The following CYP39A1 variants were observed in gnomAD, a reference collection of about 807,000 sequenced individuals.
The protein encoded by CYP39A1 is 24-hydroxycholesterol 7-alpha-hydroxylase.
In CYP39A1, 49 loss-of-function variants were observed where a neutral mutation model predicts 58.1. That is an observed-to-expected ratio of 0.84 (90% CI 0.67 to 1.07). The LOEUF is 1.07. CYP39A1 is among the 50% of genes least tolerant of loss of function. The pLI is 0.00. For synonymous variants in CYP39A1, 209 were observed against 187.6 expected (o/e 1.11, Z -0.93); for missense variants, 531 against 539.4 (o/e 0.98, Z 0.16).
In CYP39A1 at chr6:46,551,487, C is replaced by CCT. The variant is rs1770393956; in HGVS notation, c.1339-1052_1339-1051dup. ...TCCTTAATGCTCAAAATGGAACAGC[C>CCT]CTCACTGCTAGCATCAGGACACTGC... On this transcript the variant is annotated intron_variant, in intron 11 of 11. Transcript: ENST00000275016. 4.6e-5 allele frequency among the ~76,000 whole-genome samples: 7 copies of CCT among 152,244 alleles called. No homozygotes were observed. The South Asian group carries it at 1.5e-3, about 32-fold the overall frequency.
chr6:46,645,152 A>T (rs1336039205), intron 1 of CYP39A1, among the ~76,000 whole-genome samples: 1 of 152,098 alleles, frequency 6.6e-6, no homozygotes, highest in Non-Finnish European at 1.5e-5. Context: ...ATGAGGTTCA[A>T]TTTATCAGTT....
At chr6:46,603,764 T>C (rs973334155) in intron 7 of CYP39A1, among the ~76,000 whole-genome samples, 1 of 152,210 alleles carries the variant, frequency 6.6e-6, no homozygotes, top group Non-Finnish European at 1.5e-5. Context: ...AGAGACCTTA[T>C]GTTCCATAAA....
intron 10 of CYP39A1, among the ~76,000 whole-genome samples, chr6:46,561,732 C>T (rs1358337115): frequency 1.3e-5 from 2 of 152,004 alleles, no homozygotes; most frequent in African/African-American, 4.8e-5. Context: ...AGGAGGTATT[C>T]AATAAATACT....
intron 10 of CYP39A1, among the ~76,000 whole-genome samples, chr6:46,560,992 T>G (rs1200435818): frequency 6.6e-6 from 1 of 152,158 alleles, no homozygotes; most frequent in Non-Finnish European, 1.5e-5. Context: ...ATATGTGAAA[T>G]TAGACATCAA....
chr6:46,583,259 G>A, intron 10 of CYP39A1: 1 of 985,322 alleles, frequency 1.0e-6, no homozygotes, highest in Non-Finnish European at 1.2e-6. Flanking sequence ...TTTTACACTG[G>A]AGTTTAAGCC....
At chr6:46,573,349 TG>T (rs145162865) in intron 10 of CYP39A1, among the ~76,000 whole-genome samples, 117 of 152,314 alleles carry the variant, frequency 7.7e-4, no homozygotes, top group African/African-American at 2.7e-3. Flanking sequence ...GAACAGGATG[TG>T]GTGGCATAGT....
At chr6:46,585,107 AT>A (rs1772389753) in intron 10 of CYP39A1, among the ~76,000 whole-genome samples, 1 of 152,130 alleles carries the variant, frequency 6.6e-6, no homozygotes, top group South Asian at 2.1e-4. Context: ...TCCCTTTATT[AT>A]ACCAATTACT....
intron 3 of CYP39A1, among the ~76,000 whole-genome samples, chr6:46,638,435 C>A (rs1412180336): frequency 6.6e-6 from 1 of 152,076 alleles, no homozygotes; most frequent in East Asian, 1.9e-4. Flanking sequence ...AACTATTGCC[C>A]ATTGAAATAT....
intron 8 of CYP39A1, among the ~76,000 whole-genome samples, chr6:46,592,044 CAT>C (rs1772868231): frequency 6.6e-6 from 1 of 152,030 alleles, no homozygotes; most frequent in Admixed American, 6.6e-5. Context: ...TTCTACTAAA[CAT>C]ATAAAACCTT....
rs1770287158 is a variant in CYP39A1 at position 46,549,618 on chromosome 6, T to C, written c.*748A>G. ...CCGTTATATTTGTGTTTCTATGCATTAGCAAAAATATGGTATCTGCCAAAC... is the reference window on the plus strand; with the variant it reads ...CCGTTATATTTGTGTTTCTATGCATCAGCAAAAATATGGTATCTGCCAAAC... On this transcript the variant is annotated 3_prime_UTR_variant, in exon 12 of 12. Coordinates refer to ENST00000275016, the MANE Select transcript of CYP39A1 (RefSeq NM_016593.5). 1 of 151,982 alleles carries C rather than the reference T, an allele frequency of 6.6e-6. No individual in the cohort carries two copies. Among genetic ancestry groups the C allele is most frequent in the South Asian group, 2.1e-4 (1 of 4,832 alleles). The allele number at this position is 151,982 out of a possible 1,614,324, so 9.4% of individuals were successfully genotyped here.
In CYP39A1 at chr6:46,639,642, C is replaced by T; in HGVS notation, c.340G>A (p.Ala114Thr). 1 of 1,612,700 alleles carries T rather than the reference C, an allele frequency of 6.2e-7. No individual in the cohort carries two copies. Residue 114 changes from alanine (A) to threonine (T), a missense_variant, in exon 3 of 12, where the codon GCA becomes ACA. Ala to Thr is a moderately conservative substitution (Grantham distance 58). Coordinates refer to ENST00000275016, the MANE Select transcript of CYP39A1 (RefSeq NM_016593.5). ...TASIPKNVFL[A>T]LHEKLYIMLK... is the part of the protein sequence containing the mutation. ...ATAATATAGAGTTTTTCATGCAGTG[C>T]TAAAAAGACATTCTTTGGAATTGAT...
At chr6:46,625,033 T>C (rs1775222010) in intron 7 of CYP39A1, among the ~76,000 whole-genome samples, 2 of 152,292 alleles carry the variant, frequency 1.3e-5, no homozygotes, top group South Asian at 4.1e-4. Context: ...TTATGTAATA[T>C]ATGGAATATA....
chr6:46,618,764 G>C (rs1774771584), intron 7 of CYP39A1, among the ~76,000 whole-genome samples: 1 of 151,870 alleles, frequency 6.6e-6, no homozygotes, highest in South Asian at 2.1e-4. Flanking sequence ...TTTCTTAAAT[G>C]TATAACATCT....
intron 10 of CYP39A1, among the ~76,000 whole-genome samples, chr6:46,584,062 CA>C (rs1012623576): frequency 6.6e-6 from 1 of 151,604 alleles, no homozygotes; most frequent in East Asian, 1.9e-4. Context: ...ATTTCTAGTG[CA>C]AAAAAAATCT....
At chr6:46,572,851 T>C (rs980699607) in intron 10 of CYP39A1, among the ~76,000 whole-genome samples, 2 of 152,100 alleles carry the variant, frequency 1.3e-5, no homozygotes, top group Non-Finnish European at 2.9e-5. Flanking sequence ...TTTACTCTTT[T>C]CAATTTTTTT....
At chr6:46,618,129 G>A (rs551786230) in intron 7 of CYP39A1, among the ~76,000 whole-genome samples, 3 of 152,182 alleles carry the variant, frequency 2.0e-5, no homozygotes, top group East Asian at 3.9e-4. Context: ...TATCAGTTTT[G>A]GCCATAGCTA....
chr6:46,615,806 C>T (rs999426767), intron 7 of CYP39A1, among the ~76,000 whole-genome samples: 2 of 151,962 alleles, frequency 1.3e-5, no homozygotes, highest in African/African-American at 4.8e-5. Context: ...GTTTTGTGAG[C>T]CCACAGTGAG....
At chr6:46,625,565 A>G in intron 6 of CYP39A1, 57 bp from the exon 7 acceptor site, 1 of 1,286,458 alleles carries the variant, frequency 7.8e-7, no homozygotes, top group Non-Finnish European at 1.1e-6. Context: ...GAACAAAAGC[A>G]TATTTAGTAT....
At chr6:46,622,470 C>T (rs1449377443) in intron 7 of CYP39A1, among the ~76,000 whole-genome samples, 1 of 150,910 alleles carries the variant, frequency 6.6e-6, no homozygotes, top group Non-Finnish European at 1.5e-5. Context: ...AAATGAAGCC[C>T]AATATGCTGG....
Sources: allele counts gnomAD v4.1 joint callset (sites outside exome capture counted in the v4.1 genomes callset), GRCh38; gene constraint gnomAD v4.1.1; transcripts MANE v1.5; gene names NCBI Gene and HGNC (gene_info 2026-07-23, HGNC 2026-07-21).